The following ZBTB7C variants were observed in gnomAD, a reference collection of about 807,000 sequenced individuals.
ZBTB7C encodes zinc finger and BTB domain containing 7C.
Under a neutral mutation model 25.7 loss-of-function variants are expected in ZBTB7C, and 8 were observed. The observed-to-expected ratio is 0.31, with a 90% confidence interval of 0.18 to 0.56. ZBTB7C has a LOEUF of 0.56. Among genes scored for constraint, ZBTB7C ranks in the 20% least tolerant of loss-of-function variants. The pLI is 0.91. For synonymous variants in ZBTB7C, 394 were observed against 369.0 expected, an observed-to-expected ratio of 1.07 and a Z score of -0.78; for missense variants, 824 against 855.2, an observed-to-expected ratio of 0.96 and a Z score of 0.46.
chr18:48,169,303 T>G (rs1204681268), intron 3 of ZBTB7C, among the ~76,000 whole-genome samples: 1 of 152,148 alleles, frequency 6.6e-6, no homozygotes, highest in East Asian at 1.9e-4. Flanking sequence ...ACCACTCGAT[T>G]GGACATATTT....
At chr18:48,056,225 C>T (rs1426252513) in intron 3 of ZBTB7C, among the ~76,000 whole-genome samples, 1 of 152,140 alleles carries the variant, frequency 6.6e-6, no homozygotes, top group African/African-American at 2.4e-5. Context: ...TGAAGCACTC[C>T]TTAAGACTTA....
At chr18:48,242,382 G>C (rs569511441) in intron 2 of ZBTB7C, among the ~76,000 whole-genome samples, 79 of 152,084 alleles carry the variant, frequency 5.2e-4, no homozygotes, top group African/African-American at 1.9e-3. Context: ...AATCAGGAAA[G>C]GACATAACAA....
chr18:48,167,563 G>GGGGTGTGTGTGT (rs1555705394), intron 3 of ZBTB7C, among the ~76,000 whole-genome samples: 1 of 142,484 alleles, frequency 7.0e-6, no homozygotes, highest in African/African-American at 2.6e-5. Flanking sequence ...GCATTGCTAG[G>GGGGTGTGTGTGT]GTGTGTGTGT....
chr18:48,105,807 T>C (rs1442821487), intron 3 of ZBTB7C, among the ~76,000 whole-genome samples: 1 of 152,172 alleles, frequency 6.6e-6, no homozygotes, highest in African/African-American at 2.4e-5. Context: ...AACTGAAATT[T>C]AACAACTTGC....
chr18:48,245,351 A>T (rs1199754767), intron 2 of ZBTB7C, among the ~76,000 whole-genome samples: 1 of 151,594 alleles, frequency 6.6e-6, no homozygotes, highest in Admixed American at 6.6e-5. Context: ...GGGATAAAAG[A>T]CTACACATTG....
At chr18:48,400,171 C>CTG (rs1298729501) in intron 1 of ZBTB7C, among the ~76,000 whole-genome samples, 1 of 152,204 alleles carries the variant, frequency 6.6e-6, no homozygotes. Context: ...TGAACACTGT[C>CTG]AGTTCTCAGA....
At chr18:48,031,648 A>C (rs143893390) in intron 4 of ZBTB7C, among the ~76,000 whole-genome samples, 25 of 152,354 alleles carry the variant, frequency 1.6e-4, no homozygotes, top group Non-Finnish European at 3.4e-4. Flanking sequence ...TCTGATCAGT[A>C]GGTCTGGGAT....
intron 1 of ZBTB7C, chr18:48,346,793 C>CAT (rs1555746062): frequency 6.8e-6 from 1 of 147,180 alleles, no homozygotes; most frequent in Non-Finnish European, 1.5e-5. Context: ...TTTCTTTTTC[C>CAT]TTTTTTTTTT....
At position 48,029,678 on chromosome 18, in the gene ZBTB7C, C is replaced by A. The variant is rs763146017; in HGVS notation, c.1442G>T (p.Arg481Leu). The change falls in exon 5 of 5, where the codon CGC (arginine) becomes CTC (leucine). Residue 481 changes from arginine (R) to leucine (L), a missense_variant. By Grantham distance (102) the Arg-to-Leu change is moderately radical. Coordinates refer to ENST00000590800, the MANE Select transcript of ZBTB7C (RefSeq NM_001318841.2). ...GGCGGCCCTCCACGCAGCAGGCTTG[C>A]GGCCGCGTCGGGGCCGTGCCATGCG... The part of the protein sequence containing the change: ...SCRMARPRRG[R>L]KPAAWRAASL... The A allele has an allele frequency of 1.3e-6, 2 of 1,572,850 alleles. No individual in the cohort carries two copies. The highest frequency in any genetic ancestry group is 2.3e-5 in the East Asian group (1 of 42,582).
At chr18:48,145,743 C>T (rs1164602787) in intron 3 of ZBTB7C, among the ~76,000 whole-genome samples, 2 of 151,974 alleles carry the variant, frequency 1.3e-5, no homozygotes, top group East Asian at 1.9e-4. Context: ...TATTTGTGTC[C>T]GTCTATATGT....
At chr18:48,153,267 C>T (rs2040733273) in intron 3 of ZBTB7C, among the ~76,000 whole-genome samples, 1 of 152,338 alleles carries the variant, frequency 6.6e-6, no homozygotes, top group African/African-American at 2.4e-5. Context: ...TTCTTAATTT[C>T]ACCATTACCA....
intron 2 of ZBTB7C, among the ~76,000 whole-genome samples, chr18:48,209,097 C>T (rs192084727): frequency 4.6e-5 from 7 of 152,320 alleles, no homozygotes; most frequent in Admixed American, 3.9e-4. Context: ...ATGGATATTA[C>T]AGAGTGAGAC....
At chr18:48,039,280 A>G (rs1481125676) in intron 4 of ZBTB7C, among the ~76,000 whole-genome samples, 1 of 152,180 alleles carries the variant, frequency 6.6e-6, no homozygotes, top group Non-Finnish European at 1.5e-5. Flanking sequence ...TCTGCAGTCT[A>G]CTGGTCACCG....
chr18:48,089,479 G>GA (rs35998953), intron 3 of ZBTB7C, among the ~76,000 whole-genome samples: 118 of 127,888 alleles, frequency 9.2e-4, no homozygotes, highest in Middle Eastern at 3.8e-3. Flanking sequence ...ACTCCATCTC[G>GA]AAAAAAAAAA....
chr18:48,273,629 T>G (rs1005708039), intron 2 of ZBTB7C, among the ~76,000 whole-genome samples: 4 of 152,062 alleles, frequency 2.6e-5, no homozygotes, highest in African/African-American at 9.7e-5. Flanking sequence ...GAGTCAATGG[T>G]GTCTACTTTC....
intron 2 of ZBTB7C, among the ~76,000 whole-genome samples, chr18:48,246,015 A>G (rs193118128): frequency 1.3e-5 from 2 of 152,208 alleles, no homozygotes; most frequent in African/African-American, 4.8e-5. Context: ...ACTGAAGTAC[A>G]TTTTCACTAT....
intron 1 of ZBTB7C, among the ~76,000 whole-genome samples, chr18:48,399,235 C>G (rs2048103806): frequency 1.3e-5 from 2 of 152,158 alleles, no homozygotes; most frequent in Non-Finnish European, 2.9e-5. Context: ...ACTGAAGAAA[C>G]CATTAATAGT....
intron 2 of ZBTB7C, among the ~76,000 whole-genome samples, chr18:48,320,166 T>C (rs1336570217): frequency 6.7e-6 from 1 of 149,110 alleles, no homozygotes; most frequent in Non-Finnish European, 1.5e-5. Flanking sequence ...GGAGGGATCA[T>C]GAGGGTTCTG....
intron 2 of ZBTB7C, among the ~76,000 whole-genome samples, chr18:48,251,862 CCT>C (rs370257102): frequency 2.1e-4 from 31 of 149,976 alleles, no homozygotes; most frequent in Admixed American, 3.3e-4. Context: ...TTCAGGTGTC[CCT>C]CTCTCTCTCT....
Sources: allele counts gnomAD v4.1 joint callset (sites outside exome capture counted in the v4.1 genomes callset), GRCh38; gene constraint gnomAD v4.1.1; transcripts MANE v1.5; gene names NCBI Gene and HGNC (gene_info 2026-07-23, HGNC 2026-07-21).